The following SLC14A2 variants were observed in gnomAD, a reference collection of about 807,000 sequenced individuals.
The protein encoded by SLC14A2 is urea transporter 2.
A neutral mutation model predicts 104.6 loss-of-function variants in SLC14A2; 91 were observed. The observed-to-expected ratio is 0.87, with a 90% confidence interval of 0.73 to 1.04. The LOEUF is 1.04. Among genes scored for constraint, SLC14A2 ranks in the 50% least tolerant of loss-of-function variants. SLC14A2 has a pLI of 0.00. For missense variants in SLC14A2, 1,189 were observed against 1,156.0 expected, an observed-to-expected ratio of 1.03 and a Z score of -0.41; for synonymous variants, 476 against 466.4, an observed-to-expected ratio of 1.02 and a Z score of -0.27.
At chr18:45,671,940 G>A (rs973813444) in intron 16 of SLC14A2, among the ~76,000 whole-genome samples, 1 of 152,140 alleles carries the variant, frequency 6.6e-6, no homozygotes, top group African/African-American at 2.4e-5. Flanking sequence ...TCGGACCTTT[G>A]TGCAGGTGCC....
At chr18:45,367,492 A>G (rs2085677950) in intron 1 of SLC14A2, among the ~76,000 whole-genome samples, 1 of 152,240 alleles carries the variant, frequency 6.6e-6, no homozygotes, top group Non-Finnish European at 1.5e-5. Flanking sequence ...TAAATGGCAC[A>G]TTGACCAAAT....
intron 1 of SLC14A2, among the ~76,000 whole-genome samples, chr18:45,468,094 C>T (rs2087177107): frequency 6.6e-6 from 1 of 152,124 alleles, no homozygotes; most frequent in African/African-American, 2.4e-5. Context: ...GTGCCTTCCG[C>T]TGGAGGATCT....
intron 1 of SLC14A2, among the ~76,000 whole-genome samples, chr18:45,368,969 C>G (rs2247332): frequency 0.48 from 72,856 of 152,090 alleles, 21,039 homozygotes; most frequent in African/African-American, 0.82. Flanking sequence ...AGAAGAAGCT[C>G]AGCAACAACT....
At chr18:45,306,741 C>T (rs1222786362) in intron 1 of SLC14A2, among the ~76,000 whole-genome samples, 2 of 152,150 alleles carry the variant, frequency 1.3e-5, no homozygotes, top group Non-Finnish European at 2.9e-5. Context: ...TGAGGAAAGC[C>T]ACAGCATTAT....
At chr18:45,339,194 C>A (rs1462379625) in intron 1 of SLC14A2, among the ~76,000 whole-genome samples, 1 of 152,056 alleles carries the variant, frequency 6.6e-6, no homozygotes, top group Non-Finnish European at 1.5e-5. Context: ...AAACTCCCAA[C>A]CTCAGGTGAT....
intron 2 of SLC14A2, among the ~76,000 whole-genome samples, chr18:45,497,461 A>G (rs961488179): frequency 9.2e-5 from 14 of 152,334 alleles, no homozygotes; most frequent in Non-Finnish European, 1.9e-4. Context: ...CCTATGTCCT[A>G]TGCAAAATAA....
At chr18:45,250,751 C>CTGACTTTTTT (rs1165070845) in intron 1 of SLC14A2, among the ~76,000 whole-genome samples, 44 of 113,896 alleles carry the variant, frequency 3.9e-4, no homozygotes, top group African/African-American at 8.6e-4. Flanking sequence ...CTAGTGGCTT[C>CTGACTTTTTT]TTCCTTTTTT....
Position 45,248,794 on chromosome 18 carries a change from C to T in SLC14A2, c.-125+35603C>T, listed in dbSNP as rs77930426. Among the ~76,000 whole-genome samples, 627 of 152,244 alleles carry T rather than the reference C, an allele frequency of 4.1e-3. 6 individuals carry two copies. Among genetic ancestry groups the T allele is most frequent in the African/African-American group, 0.014 (592 of 41,540 alleles). ...TTGAAATGGAGCCACAGAACTTCAA[C>T]GGTATTCTGGCTTAGCTCTTAGGCA... is the stretch of plus-strand genomic sequence containing the variant. On this transcript the variant is annotated intron_variant, in intron 1 of 20. Coordinates refer to the SLC14A2 transcript ENST00000586448.
chr18:45,593,965 T>C (rs183293144), intron 2 of SLC14A2, among the ~76,000 whole-genome samples: 1 of 152,332 alleles, frequency 6.6e-6, no homozygotes, highest in African/African-American at 2.4e-5. Flanking sequence ...AGTAAAAATT[T>C]CTGTAACTAT....
At chr18:45,616,440 C>G (rs891219350) in intron 1 of SLC14A2, among the ~76,000 whole-genome samples, 2 of 152,214 alleles carry the variant, frequency 1.3e-5, no homozygotes, top group Middle Eastern at 3.2e-3. Flanking sequence ...ATTGACTACT[C>G]TGGCTCAGAG....
intron 1 of SLC14A2, among the ~76,000 whole-genome samples, chr18:45,237,552 C>A (rs1195686822): frequency 6.6e-6 from 1 of 152,170 alleles, no homozygotes; most frequent in Non-Finnish European, 1.5e-5. Context: ...GGAAATGTGA[C>A]CTTGGAGTGG....
intron 19 of SLC14A2, among the ~76,000 whole-genome samples, chr18:45,679,847 C>T (rs2046286445): frequency 6.6e-6 from 1 of 152,156 alleles, no homozygotes; most frequent in African/African-American, 2.4e-5. Context: ...CTTTTCTGGG[C>T]TTCATTGTAT....
intron 1 of SLC14A2, among the ~76,000 whole-genome samples, chr18:45,252,697 A>G (rs1476768102): frequency 6.6e-6 from 1 of 151,766 alleles, no homozygotes; most frequent in East Asian, 1.9e-4. Flanking sequence ...GAAAGCTCAG[A>G]CTCTCTACAA....
intron 10 of SLC14A2, among the ~76,000 whole-genome samples, chr18:45,645,439 A>G (rs2045602818): frequency 6.6e-6 from 1 of 151,944 alleles, no homozygotes; most frequent in Non-Finnish European, 1.5e-5. Flanking sequence ...TCCATGTGTA[A>G]AAAGCTTGGG....
intron 1 of SLC14A2, among the ~76,000 whole-genome samples, chr18:45,340,808 T>C (rs1298901266): frequency 6.6e-6 from 1 of 152,224 alleles, no homozygotes; most frequent in Non-Finnish European, 1.5e-5. Context: ...TTCTGGTTCC[T>C]GCGATGGCCC....
intron 19 of SLC14A2, 119 bp from the exon 20 acceptor site, chr18:45,682,200 G>T: frequency 1.2e-6 from 1 of 820,578 alleles, no homozygotes; most frequent in Non-Finnish European, 2.1e-6. Context: ...CATCAATGAA[G>T]TATCAATGCC....
At chr18:45,576,323 G>A (rs944012453) in intron 2 of SLC14A2, among the ~76,000 whole-genome samples, 10 of 131,142 alleles carry the variant, frequency 7.6e-5, no homozygotes, top group Non-Finnish European at 1.6e-4. Context: ...TCACTCTGTC[G>A]CCCAGGCTGG....
At chr18:45,595,141 G>A (rs754066285) in intron 2 of SLC14A2, among the ~76,000 whole-genome samples, 35 of 151,924 alleles carry the variant, frequency 2.3e-4, no homozygotes, top group East Asian at 1.9e-4. Context: ...TTTTAAAACC[G>A]TTTTCTTGTA....
intron 2 of SLC14A2, among the ~76,000 whole-genome samples, chr18:45,530,762 A>C (rs1030195671): frequency 1.3e-5 from 2 of 152,014 alleles, no homozygotes; most frequent in African/African-American, 4.8e-5. Flanking sequence ...GGTTTGTTAC[A>C]TATGTATACA....
Sources: allele counts gnomAD v4.1 joint callset (sites outside exome capture counted in the v4.1 genomes callset), GRCh38; gene constraint gnomAD v4.1.1; transcripts MANE v1.5; gene names NCBI Gene and HGNC (gene_info 2026-07-23, HGNC 2026-07-21).